Variants in SPATS2 observed in about 807,000 individuals in gnomAD.
SPATS2 encodes spermatogenesis-associated serine-rich protein 2.
In SPATS2, 38 loss-of-function variants were observed where a neutral mutation model predicts 63.7. The ratio of observed to expected loss-of-function variants is 0.60; its 90% CI spans 0.46 to 0.78. The LOEUF (loss-of-function observed/expected upper bound fraction) is 0.78, where lower values mean the gene tolerates loss of function less well. SPATS2 is among the 30% of genes least tolerant of loss of function. The pLI is 0.00. For missense variants in SPATS2, 588 were observed against 666.2 expected (o/e 0.88, Z 1.29); for synonymous variants, 207 against 232.9 (o/e 0.89, Z 1.01).
intron 4 of SPATS2, chr12:49,486,345 A>G (rs1946293395): frequency 2.7e-6 from 1 of 375,106 alleles, no homozygotes. Flanking sequence ...AGCTGGGGAT[A>G]CAGGTGCGTG....
rs185547312 is a variant in SPATS2 at position 49,401,896 on chromosome 12, C to T, written c.-244+30606C>T. 4.3e-4 allele frequency among the ~76,000 whole-genome samples: 66 copies of T among 152,256 alleles called. 1 individual carries two copies. The East Asian group carries it at 7.9e-3, about 18-fold the overall frequency. ...TATTTTTAGTAGAGACAGGGTTTCG[C>T]CATGTTGGCCAGGCTGGTCTTGAAC... On this transcript the variant is annotated intron_variant, in intron 2 of 13. Transcript: ENST00000552918.
At chr12:49,405,961 A>C (rs1944687652) in intron 2 of SPATS2, among the ~76,000 whole-genome samples, 1 of 152,206 alleles carries the variant, frequency 6.6e-6, no homozygotes, top group Non-Finnish European at 1.5e-5. Flanking sequence ...TGAAAATTAC[A>C]TTAAATGTAA....
At chr12:49,414,935 C>CTTTTTTTTTTTTTTTT (rs199648430) in intron 2 of SPATS2, among the ~76,000 whole-genome samples, 1 of 135,918 alleles carries the variant, frequency 7.4e-6, no homozygotes, top group African/African-American at 2.9e-5. Context: ...TTTTCTTTTT[C>CTTTTTTTTTTTTTTTT]TTTTCTTTTT....
intron 2 of SPATS2, among the ~76,000 whole-genome samples, chr12:49,382,754 GA>G (rs1944244469): frequency 6.6e-6 from 1 of 152,152 alleles, no homozygotes. Context: ...GCCCAGGCTG[GA>G]GTGCAATGGC....
intron 5 of SPATS2, chr12:49,490,368 C>T (rs1946362593): frequency 1.7e-5 from 4 of 238,892 alleles, no homozygotes; most frequent in East Asian, 8.7e-5. Flanking sequence ...AACCAGTGTG[C>T]CATCCCCTTT....
intron 2 of SPATS2, among the ~76,000 whole-genome samples, chr12:49,419,583 C>A (rs1313183719): frequency 1.3e-5 from 2 of 152,130 alleles, no homozygotes; most frequent in Admixed American, 6.5e-5. Flanking sequence ...CATTGATATA[C>A]CCTTTCCTTT....
chr12:49,444,214 T>G (rs1361134043), intron 2 of SPATS2, among the ~76,000 whole-genome samples: 1 of 139,428 alleles, frequency 7.2e-6, no homozygotes, highest in Non-Finnish European at 1.5e-5. Flanking sequence ...AGTTTTGTTG[T>G]TGTTTTTTTT....
intron 5 of SPATS2, 83 bp from the exon 6 acceptor site, chr12:49,490,599 T>C: frequency 6.9e-6 from 9 of 1,301,526 alleles, no homozygotes; most frequent in Non-Finnish European, 9.9e-6. Context: ...TCTCCAGCAA[T>C]TACAAAATGG....
chr12:49,447,041 G>A (rs1341749022), intron 2 of SPATS2, among the ~76,000 whole-genome samples: 13 of 151,380 alleles, frequency 8.6e-5, no homozygotes. Context: ...CAGTTCTCCT[G>A]CTTCAGCCTC....
chr12:49,387,258 G>A (rs1235736501), intron 2 of SPATS2: 1 of 152,330 alleles, frequency 6.6e-6, no homozygotes, highest in African/African-American at 2.4e-5. Flanking sequence ...TGCTGAAAAT[G>A]TAGGGAAAGC....
intron 3 of SPATS2, among the ~76,000 whole-genome samples, chr12:49,477,259 C>G (rs1946134135): frequency 6.6e-6 from 1 of 152,138 alleles, no homozygotes; most frequent in Non-Finnish European, 1.5e-5. Flanking sequence ...TCAAGCTCTA[C>G]CTGGAAAATT....
chr12:49,399,053 C>T (rs1456551904), intron 2 of SPATS2, among the ~76,000 whole-genome samples: 2 of 152,084 alleles, frequency 1.3e-5, no homozygotes, highest in Non-Finnish European at 2.9e-5. Context: ...TTGCCTTTGC[C>T]AGACTCAAGG....
intron 2 of SPATS2, among the ~76,000 whole-genome samples, chr12:49,449,356 C>T (rs939250857): frequency 2.0e-5 from 3 of 152,176 alleles, no homozygotes; most frequent in African/African-American, 4.8e-5. Flanking sequence ...GCTGGGGTTA[C>T]AGGCACGTGC....
intron 2 of SPATS2, among the ~76,000 whole-genome samples, chr12:49,371,848 A>C (rs1367379412): frequency 6.6e-6 from 1 of 151,966 alleles, no homozygotes; most frequent in Non-Finnish European, 1.5e-5. Flanking sequence ...CCACCCCAAT[A>C]TTCCAGTCAC....
intron 3 of SPATS2, among the ~76,000 whole-genome samples, chr12:49,466,166 G>A (rs1207452021): frequency 6.6e-6 from 1 of 151,504 alleles, no homozygotes; most frequent in African/African-American, 2.4e-5. Flanking sequence ...GTTTTTTTGG[G>A]TTTTTGGGTT....
At chr12:49,433,232 A>G (rs1390932494) in intron 2 of SPATS2, among the ~76,000 whole-genome samples, 2 of 152,104 alleles carry the variant, frequency 1.3e-5, no homozygotes, top group Non-Finnish European at 2.9e-5. Context: ...GCGTGATCTC[A>G]GCTCACTGCA....
chr12:49,507,531 TCTTA>T (rs1475420940), intron 9 of SPATS2, among the ~76,000 whole-genome samples: 3 of 152,234 alleles, frequency 2.0e-5, no homozygotes, highest in South Asian at 2.1e-4. Context: ...CATTATTCCC[TCTTA>T]CTTTTACTAT....
At chr12:49,385,357 A>AGAGTGTGTGT (rs1944295029) in intron 2 of SPATS2, among the ~76,000 whole-genome samples, 3 of 142,090 alleles carry the variant, frequency 2.1e-5, no homozygotes, top group African/African-American at 5.2e-5. Context: ...TAAGTATATA[A>AGAGTGTGTGT]GTGTGTGTGT....
At chr12:49,401,365 T>C (rs1417798502) in intron 2 of SPATS2, among the ~76,000 whole-genome samples, 2 of 152,188 alleles carry the variant, frequency 1.3e-5, no homozygotes. Context: ...ATAGAGTAGA[T>C]GGACAGCTGC....
Sources: gnomAD v4.1 joint callset for allele counts (sites outside exome capture counted in the v4.1 genomes callset) on GRCh38, gnomAD v4.1.1 for gene constraint, MANE v1.5 for transcripts, NCBI Gene and HGNC (gene_info 2026-07-23, HGNC 2026-07-21) for gene names.